Variants in CARMIL1 observed in about 807,000 individuals in gnomAD.
CARMIL1 encodes F-actin-uncapping protein LRRC16A.
Under a neutral mutation model 177.1 loss-of-function variants are expected in CARMIL1, and 90 were observed. The observed-to-expected ratio is 0.51, with a 90% CI of 0.43 to 0.61. The LOEUF (loss-of-function observed/expected upper bound fraction) is 0.61. Ranked by LOEUF, CARMIL1 falls within the 20% of genes least tolerant of loss-of-function variation. CARMIL1 has a pLI of 0.00. For synonymous variants in CARMIL1, 577 were observed against 606.2 expected (o/e 0.95, Z 0.71); for missense variants, 1,380 against 1,667.0 (o/e 0.83, Z 3.00).
At chr6:25,469,960 C>T (rs1800958533) in intron 9 of CARMIL1, among the ~76,000 whole-genome samples, 1 of 152,034 alleles carries the variant, frequency 6.6e-6, no homozygotes, top group Non-Finnish European at 1.5e-5. Context: ...AAAAAAATGC[C>T]CAATTCTACC....
intron 8 of CARMIL1, among the ~76,000 whole-genome samples, chr6:25,450,912 TTCTCCTCTCCTCTCCTCTCC>T (rs1163650038): frequency 8.8e-3 from 127 of 14,464 alleles, no homozygotes; most frequent in African/African-American, 0.03. Context: ...TTTCTTTTCC[TTCTCCTCTCCTCTCCTCTCC>T]TCTCCTCTCC....
intron 23 of CARMIL1, among the ~76,000 whole-genome samples, chr6:25,526,778 C>T (rs1348857271): frequency 1.3e-5 from 2 of 152,088 alleles, no homozygotes; most frequent in Non-Finnish European, 2.9e-5. Context: ...GTCTCAAACT[C>T]CTGGGCTCAA....
chr6:25,484,695 C>A (rs1802455554), intron 12 of CARMIL1, among the ~76,000 whole-genome samples: 1 of 152,200 alleles, frequency 6.6e-6, no homozygotes, highest in Non-Finnish European at 1.5e-5. Context: ...TCCAAACTCC[C>A]TTGTTCCTTA....
intron 2 of CARMIL1, among the ~76,000 whole-genome samples, chr6:25,334,965 G>A (rs988192197): frequency 1.3e-5 from 2 of 152,118 alleles, no homozygotes; most frequent in African/African-American, 4.8e-5. Flanking sequence ...CTGTCATTTC[G>A]TCTTTGCTAC....
intron 24 of CARMIL1, among the ~76,000 whole-genome samples, chr6:25,536,737 C>T (rs1808341418): frequency 6.6e-6 from 1 of 152,136 alleles, no homozygotes; most frequent in African/African-American, 2.4e-5. Flanking sequence ...TGTGTAAAGT[C>T]TCTATCATTT....
At chr6:25,474,581 G>T (rs1278050351) in intron 11 of CARMIL1, among the ~76,000 whole-genome samples, 1 of 152,158 alleles carries the variant, frequency 6.6e-6, no homozygotes, top group Non-Finnish European at 1.5e-5. Flanking sequence ...CTACAGGAAG[G>T]TTGAGACTGA....
At chr6:25,380,561 A>T (rs1156616569) in intron 2 of CARMIL1, among the ~76,000 whole-genome samples, 1 of 152,246 alleles carries the variant, frequency 6.6e-6, no homozygotes, top group Non-Finnish European at 1.5e-5. Flanking sequence ...AAATTTCCAG[A>T]TAATGAACTC....
intron 2 of CARMIL1, among the ~76,000 whole-genome samples, chr6:25,368,258 CTTAG>C (rs769335980): frequency 6.6e-6 from 1 of 152,296 alleles, no homozygotes; most frequent in Non-Finnish European, 1.5e-5. Context: ...ACACGACTTA[CTTAG>C]TTTCTGAGAG....
intron 10 of CARMIL1, 60 bp downstream of exon 10, chr6:25,471,317 C>T: frequency 8.6e-7 from 1 of 1,156,834 alleles, no homozygotes; most frequent in South Asian, 1.5e-5. Context: ...ATTTGCTCTT[C>T]TAATTAATTC....
At chr6:25,435,817 G>A (rs2150767802) in intron 5 of CARMIL1, among the ~76,000 whole-genome samples, 1 of 152,300 alleles carries the variant, frequency 6.6e-6, no homozygotes, top group Non-Finnish European at 1.5e-5. Flanking sequence ...AAGAGCTTGA[G>A]TGATGAAAGG....
At chr6:25,494,635 G>A (rs757853655) in intron 15 of CARMIL1, among the ~76,000 whole-genome samples, 7 of 152,126 alleles carry the variant, frequency 4.6e-5, no homozygotes, top group African/African-American at 1.7e-4. Context: ...TGCAGGCTTC[G>A]TGCCATTTGG....
chr6:25,550,783 C>T lies in CARMIL1; in HGVS notation c.2329-127C>T, dbSNP rs927739819. 4 of 795,542 alleles carry T rather than the reference C, an allele frequency of 5.0e-6. No homozygotes were observed. The Admixed American group carries it at 9.7e-5, about 19-fold the overall frequency. The allele number at this position is 795,542 out of a possible 1,614,324, so 49.3% of individuals were successfully genotyped here. ...GGGCAGCTCAGAATTCTTGGTTGCGCTCTGGGACTCCGTCGTGCTCCTGTT... is the reference window on the plus strand; with the variant it reads ...GGGCAGCTCAGAATTCTTGGTTGCGTTCTGGGACTCCGTCGTGCTCCTGTT... On this transcript the variant is annotated intron_variant, in intron 26 of 36. Coordinates refer to ENST00000329474, the MANE Select transcript of CARMIL1 (RefSeq NM_017640.6).
chr6:25,343,772 T>G (rs1198690441), intron 2 of CARMIL1, among the ~76,000 whole-genome samples: 1 of 152,020 alleles, frequency 6.6e-6, no homozygotes, highest in Non-Finnish European at 1.5e-5. Flanking sequence ...TTCATCTCCT[T>G]GCTTTATTGG....
intron 2 of CARMIL1, among the ~76,000 whole-genome samples, chr6:25,351,518 G>A (rs1469777860): frequency 6.6e-6 from 1 of 152,194 alleles, no homozygotes; most frequent in Non-Finnish European, 1.5e-5. Flanking sequence ...ATCGTAAATT[G>A]TTTTCACACC....
chr6:25,387,814 C>G (rs1792327994), intron 2 of CARMIL1, among the ~76,000 whole-genome samples: 1 of 152,090 alleles, frequency 6.6e-6, no homozygotes, highest in South Asian at 2.1e-4. Flanking sequence ...AAGACTGAGG[C>G]CTCAGGGAAA....
intron 5 of CARMIL1, among the ~76,000 whole-genome samples, chr6:25,441,335 A>ATGTGTGTGTGTGTGTGTGTG: frequency 1.5e-5 from 1 of 66,848 alleles, no homozygotes; most frequent in Middle Eastern, 7.0e-3. Flanking sequence ...ATATATATAT[A>ATGTGTGTGTGTGTGTGTGTG]TATGTGTGTG....
chr6:25,553,456 C>G (rs943089386), intron 27 of CARMIL1, among the ~76,000 whole-genome samples: 2 of 152,144 alleles, frequency 1.3e-5, no homozygotes, highest in Non-Finnish European at 2.9e-5. Flanking sequence ...ACCAGAACTG[C>G]AAATTTTAGT....
At chr6:25,519,801 TTTTTC>T (rs1806366059) in intron 22 of CARMIL1, among the ~76,000 whole-genome samples, 1 of 152,230 alleles carries the variant, frequency 6.6e-6, no homozygotes, top group Non-Finnish European at 1.5e-5. Context: ...TATTTCTGTT[TTTTTC>T]CTTTACCAGT....
intron 2 of CARMIL1, among the ~76,000 whole-genome samples, chr6:25,407,277 A>G (rs2150610914): frequency 6.6e-6 from 1 of 152,288 alleles, no homozygotes. Flanking sequence ...GGATCCAGGC[A>G]TATAGCTCTA....
Sources: allele counts gnomAD v4.1 joint callset (sites outside exome capture counted in the v4.1 genomes callset), GRCh38; gene constraint gnomAD v4.1.1; transcripts MANE v1.5; gene names NCBI Gene and HGNC (gene_info 2026-07-23, HGNC 2026-07-21).